TDRD1: variants seen among roughly 807,000 people sequenced by gnomAD.
TDRD1 encodes tudor domain-containing protein 1.
A neutral mutation model predicts 140.6 loss-of-function variants in TDRD1; 37 were observed. The ratio of observed to expected loss-of-function variants is 0.26; its 90% CI spans 0.20 to 0.35. The LOEUF (loss-of-function observed/expected upper bound fraction) is 0.35. Ranked by LOEUF, TDRD1 falls within the 10% of genes least tolerant of loss-of-function variation. TDRD1 has a pLI of 1.00. For synonymous variants in TDRD1, 506 were observed against 475.7 expected, an observed-to-expected ratio of 1.06 and a Z score of -0.83; for missense variants, 1,243 against 1,393.0, an observed-to-expected ratio of 0.89 and a Z score of 1.71.
chr10:114,204,803 T>C, exon 10 of TDRD1: 3 of 1,607,858 alleles, frequency 1.9e-6, no homozygotes, highest in Non-Finnish European at 2.5e-6. Context: ...TAAACCACTG[T>C]TAATGGAGCA....
chr10:114,201,577 G>A (rs755392446), intron 5 of TDRD1, 62 bp downstream of exon 5: 72 of 1,389,650 alleles, frequency 5.2e-5, no homozygotes, highest in East Asian at 4.1e-4. Flanking sequence ...TACAATAAGC[G>A]TCCAATTAGT....
rs748144095 is a variant in TDRD1 at position 114,199,159 on chromosome 10, T to C, written c.385-14T>C. On this transcript the variant is annotated splice_polypyrimidine_tract_variant and intron_variant, in intron 3 of 25. Transcript: ENST00000251864. ...TTGCCAAATTCTAACATTGCTCTTC[T>C]TTGTTCTTAATAGAAGCCTGGAAAT... 2 of 1,603,972 alleles carry C rather than the reference T, an allele frequency of 1.2e-6. No individual in the cohort carries two copies. Among genetic ancestry groups the C allele is most frequent in the Non-Finnish European group, 8.5e-7 (1 of 1,177,250 alleles).
At chr10:114,181,213 G>A (rs1488049316) in intron 1 of TDRD1, among the ~76,000 whole-genome samples, 4 of 152,154 alleles carry the variant, frequency 2.6e-5, no homozygotes, top group African/African-American at 9.7e-5. Context: ...GAAATGTTGA[G>A]ACCCTTCTAG....
chr10:114,192,159 C>G (rs2120278694), intron 3 of TDRD1, among the ~76,000 whole-genome samples: 1 of 150,882 alleles, frequency 6.6e-6, no homozygotes, highest in Admixed American at 6.6e-5. Context: ...TGTAGCTTGT[C>G]TTTTCATCTT....
chr10:114,179,692 A>C (rs917338861), intron 1 of TDRD1: 1 of 152,244 alleles, frequency 6.6e-6, no homozygotes, highest in African/African-American at 2.4e-5. Flanking sequence ...ATGTGGATTC[A>C]GTGCCTTCGT....
At chr10:114,189,002 C>T (rs2120199029) in intron 2 of TDRD1, among the ~76,000 whole-genome samples, 2 of 152,016 alleles carry the variant, frequency 1.3e-5, no homozygotes, top group Middle Eastern at 6.8e-3. Flanking sequence ...GCTTGGGCCT[C>T]TGGGCTTCCC....
At chr10:114,229,677 T>C (rs1464201543) in intron 25 of TDRD1, among the ~76,000 whole-genome samples, 6 of 151,174 alleles carry the variant, frequency 4.0e-5, no homozygotes, top group Admixed American at 4.0e-4. Context: ...GCCTCCCAAG[T>C]AGCTGGGACT....
chr10:114,182,265 A>G (rs1336693478), intron 1 of TDRD1, among the ~76,000 whole-genome samples: 1 of 152,210 alleles, frequency 6.6e-6, no homozygotes, highest in Non-Finnish European at 1.5e-5. Flanking sequence ...ACACTGCAGC[A>G]CAATTGGCTG....
chr10:114,218,162 A>G (rs1037730630), intron 17 of TDRD1, among the ~76,000 whole-genome samples: 1 of 152,232 alleles, frequency 6.6e-6, no homozygotes, highest in African/African-American at 2.4e-5. Context: ...TGGATAGGTT[A>G]TGAATGAAAT....
chr10:114,227,928 A>G, exon 24 of TDRD1: 3 of 1,613,864 alleles, frequency 1.9e-6, no homozygotes, highest in Non-Finnish European at 1.7e-6. Context: ...TATAGGATGA[A>G]TTGCTGCTGC....
chr10:114,216,085 G>T (rs914901949), intron 16 of TDRD1, among the ~76,000 whole-genome samples: 1 of 152,158 alleles, frequency 6.6e-6, no homozygotes, highest in Non-Finnish European at 1.5e-5. Flanking sequence ...CACAAAGATG[G>T]TACATAGAGT....
At chr10:114,183,700 C>CTTT (rs374468967) in intron 1 of TDRD1, among the ~76,000 whole-genome samples, 9 of 129,604 alleles carry the variant, frequency 6.9e-5, no homozygotes, top group South Asian at 4.9e-4. Flanking sequence ...TCACAGTTAA[C>CTTT]TTTTTTTTTT....
intron 11 of TDRD1, among the ~76,000 whole-genome samples, chr10:114,208,796 A>G (rs1295070934): frequency 6.8e-6 from 1 of 147,738 alleles, no homozygotes; most frequent in African/African-American, 2.5e-5. Flanking sequence ...TTTTTTTGAG[A>G]CAGAGTCTCG....
Position 114,219,906 on chromosome 10 carries a change from T to C in TDRD1, c.2495-662T>C, listed in dbSNP as rs113609009. ...TGTGCCCGGCCCAGATTATTGTTCT[T>C]AATTACCATATTTTATTCCAGTGCT... On this transcript the variant is annotated intron_variant, in intron 18 of 25. Coordinates refer to ENST00000251864, the Ensembl canonical transcript of TDRD1. Among the ~76,000 whole-genome samples the C allele has an allele frequency of 4.9e-3, 749 of 152,304 alleles. 8 individuals carry two copies. The highest frequency in any genetic ancestry group is 0.017 in the African/African-American group (726 of 41,566).
intron 11 of TDRD1, among the ~76,000 whole-genome samples, chr10:114,208,881 C>G (rs567022894): frequency 2.6e-5 from 4 of 151,538 alleles, no homozygotes; most frequent in South Asian, 2.1e-4. Flanking sequence ...TCAAGTGATT[C>G]TCCTGCTTCA....
Position 114,217,510 on chromosome 10 carries a change from T to A in TDRD1, c.2213-35T>A, listed in dbSNP as rs375547754. On this transcript the variant is annotated intron_variant, in intron 16 of 25. Transcript: ENST00000251864. ...AATCTGTGTTGTTTATTTTTTAATA[T>A]GTTCTTAATTTTTTAATCCTATGTG... The A allele has an allele frequency of 2.6e-6, 3 of 1,140,104 alleles. No individual in the cohort carries two copies. The African/African-American group carries it at 4.8e-5, about 18-fold the overall frequency. 70.6% of individuals were successfully genotyped at this position (1,140,104 alleles called of 1,614,324 possible). A position where few individuals can be genotyped will look rare whatever the true frequency, so the allele number is the denominator to read the frequency against.
chr10:114,219,194 A>C (rs1017775312), intron 18 of TDRD1, among the ~76,000 whole-genome samples: 1 of 152,182 alleles, frequency 6.6e-6, no homozygotes, highest in African/African-American at 2.4e-5. Context: ...GTTATAAAAG[A>C]GTGTTGTGAT....
intron 3 of TDRD1, among the ~76,000 whole-genome samples, chr10:114,196,597 C>T (rs2132892067): frequency 6.6e-6 from 1 of 152,084 alleles, no homozygotes; most frequent in East Asian, 1.9e-4. Context: ...TCAGAGTCAC[C>T]TTATGTTTGT....
chr10:114,189,283 T>C (rs1212687785), intron 2 of TDRD1, among the ~76,000 whole-genome samples: 1 of 152,192 alleles, frequency 6.6e-6, no homozygotes, highest in Non-Finnish European at 1.5e-5. Flanking sequence ...CTCCTGACTT[T>C]TACCTTCTGA....
Sources: gnomAD v4.1 joint callset for allele counts (sites outside exome capture counted in the v4.1 genomes callset) on GRCh38, gnomAD v4.1.1 for gene constraint, MANE v1.5 for transcripts, NCBI Gene and HGNC (gene_info 2026-07-23, HGNC 2026-07-21) for gene names.